DCAF6: variants seen among roughly 807,000 people sequenced by gnomAD.
The protein encoded by DCAF6 is DDB1 and CUL4 associated factor 6, also known as DDB1- and CUL4-associated factor 6.
Under a neutral mutation model 125.1 loss-of-function variants are expected in DCAF6, and 54 were observed. The ratio of observed to expected loss-of-function variants is 0.43; its 90% CI spans 0.35 to 0.54. The LOEUF (loss-of-function observed/expected upper bound fraction) is 0.54, where lower values mean the gene tolerates loss of function less well. Ranked by LOEUF, DCAF6 falls within the 20% of genes least tolerant of loss-of-function variation. The probability of loss-of-function intolerance (pLI) is 0.01; values close to 1 mark genes in which losing one functional copy is unlikely to be tolerated. For synonymous variants in DCAF6, 371 were observed against 390.4 expected (o/e 0.95, Z 0.58); for missense variants, 934 against 1,161.7 (o/e 0.80, Z 2.85).
chr1:167,890,835 C>A, the DCAF6 span, among the ~76,000 whole-genome samples: 20 of 152,160 alleles, frequency 1.3e-4, no homozygotes, highest in Non-Finnish European at 2.5e-4. Context: ...GTATTATTAT[C>A]CCCATTTTAC....
intron 21 of DCAF6, among the ~76,000 whole-genome samples, chr1:168,068,680 C>T (rs958165484): frequency 1.3e-5 from 2 of 151,972 alleles, no homozygotes; most frequent in Non-Finnish European, 2.9e-5. Context: ...ATGAAAAGAC[C>T]AGAGTCACGT....
chr1:168,059,896 T>C lies in DCAF6; in HGVS notation c.2301-3725T>C, dbSNP rs1438169326. Among the ~76,000 whole-genome samples the C allele has an allele frequency of 3.9e-5, 6 of 152,214 alleles. No individual in the cohort carries two copies. The South Asian group carries it at 1.2e-3, about 32-fold the overall frequency. On this transcript the variant is annotated intron_variant, in intron 17 of 21. Coordinates refer to ENST00000367840, the MANE Select transcript of DCAF6 (RefSeq NM_001198956.2). ...CTCCTGAGCTCAAGGGATCCTCCTG[T>C]CTTAGCCTCCCAAACTGCTGGGATT...
chr1:168,067,006 G>A (rs953833670), intron 20 of DCAF6, among the ~76,000 whole-genome samples: 3 of 151,972 alleles, frequency 2.0e-5, no homozygotes, highest in Admixed American at 6.6e-5. Flanking sequence ...GAGTTCTTTG[G>A]AGCTCTGGAT....
chr1:167,885,498 G>C, the DCAF6 span, among the ~76,000 whole-genome samples: 1 of 152,198 alleles, frequency 6.6e-6, no homozygotes, highest in Non-Finnish European at 1.5e-5. Flanking sequence ...GGGGTAAGAT[G>C]ATAATCTTAT....
the DCAF6 span, among the ~76,000 whole-genome samples, chr1:167,875,907 C>T: frequency 1.3e-5 from 2 of 151,628 alleles, no homozygotes; most frequent in South Asian, 2.1e-4. Flanking sequence ...GAGCCGAGAT[C>T]GCACCACTGC....
At chr1:167,996,310 A>G (rs1318014418) in intron 7 of DCAF6, among the ~76,000 whole-genome samples, 1 of 150,924 alleles carries the variant, frequency 6.6e-6, no homozygotes, top group Non-Finnish European at 1.5e-5. Flanking sequence ...ACAGTTTACC[A>G]CCTGCCCTAC....
intron 10 of DCAF6, among the ~76,000 whole-genome samples, chr1:168,006,292 T>C (rs1019721568): frequency 1.3e-5 from 2 of 152,142 alleles, no homozygotes; most frequent in Non-Finnish European, 2.9e-5. Flanking sequence ...AGAAAAAATA[T>C]CTTTGGTGGT....
upstream of DCAF6, among the ~76,000 whole-genome samples, chr1:167,934,222 A>G (rs1670993389): frequency 6.6e-6 from 1 of 152,236 alleles, no homozygotes; most frequent in African/African-American, 2.4e-5. Flanking sequence ...AGGCTTGGAA[A>G]GGATCAAGGT....
chr1:168,075,408 A>G lies in DCAF6; in HGVS notation c.2829A>G (p.Gln943=). The part of the protein sequence containing the change: ...LEGDRSEGSG[Q]ENENEDEE ...GTGACAGATCAGAAGGCTCTGGTCA[A>G]GAGAATGAAAATGAGGATGAGGAAT... Residue 943 remains glutamine, a synonymous_variant, in exon 22 of 22, where the codon CAA becomes CAG. Transcript: ENST00000367840. 1 of 1,602,844 alleles carries G rather than the reference A, an allele frequency of 6.2e-7. No individual in the cohort carries two copies. The highest frequency in any genetic ancestry group is 8.5e-7 in the Non-Finnish European group (1 of 1,177,320).
chr1:167,962,400 G>A (rs1004855365), intron 2 of DCAF6, among the ~76,000 whole-genome samples: 1 of 151,680 alleles, frequency 6.6e-6, no homozygotes, highest in Non-Finnish European at 1.5e-5. Context: ...TTAGGGATTG[G>A]GAAACTATGT....
At chr1:168,041,894 G>GCACACACACACA (rs869267755) in intron 13 of DCAF6, among the ~76,000 whole-genome samples, 38 of 54,450 alleles carry the variant, frequency 7.0e-4, no homozygotes, top group African/African-American at 2.1e-3. Flanking sequence ...TGTTTGTCGC[G>GCACACACACACA]CACACACACA....
chr1:168,030,143 A>T (rs1686878604), intron 12 of DCAF6, among the ~76,000 whole-genome samples: 1 of 152,134 alleles, frequency 6.6e-6, no homozygotes, highest in Admixed American at 6.5e-5. Flanking sequence ...ATCAAGTGTG[A>T]TGAGTGTTAT....
rs1041949244 is a variant in DCAF6, at chr1:167,938,664, A to C, written c.97+1656A>C. ...AACTTAATTTTAGCTTAATAAAACA[A>C]ACGTTAACATTGTTTTGCATGGATA... is the stretch of plus-strand genomic sequence containing the variant. On this transcript the variant is annotated intron_variant, in intron 1 of 21. Coordinates refer to ENST00000367840, the MANE Select transcript of DCAF6 (RefSeq NM_001198956.2). Among the ~76,000 whole-genome samples the C allele has an allele frequency of 1.3e-5, 2 of 152,242 alleles. 1 individual carries two copies. Among genetic ancestry groups the C allele is most frequent in the Admixed American group, 1.3e-4 (2 of 15,284 alleles).
chr1:168,040,902 AAC>A (rs1211223847), intron 13 of DCAF6, among the ~76,000 whole-genome samples: 1 of 150,520 alleles, frequency 6.6e-6, no homozygotes, highest in African/African-American at 2.5e-5. Context: ...AAAAAAAAAA[AAC>A]CAAACAGGCA....
At chr1:168,008,466 C>G (rs1553232368) in intron 10 of DCAF6, among the ~76,000 whole-genome samples, 1 of 151,986 alleles carries the variant, frequency 6.6e-6, no homozygotes, top group Non-Finnish European at 1.5e-5. Context: ...TAAACTATAA[C>G]CTGGGTCTTT....
intron 16 of DCAF6, 35 bp from the exon 17 acceptor site, chr1:168,050,857 G>C (rs1240507466): frequency 8.1e-7 from 1 of 1,229,892 alleles, no homozygotes; most frequent in Admixed American, 3.1e-5. Context: ...TGAAGTCTTT[G>C]TAAGTGATTT....
the DCAF6 span, among the ~76,000 whole-genome samples, chr1:167,900,690 G>A: frequency 4.6e-5 from 7 of 152,174 alleles, no homozygotes; most frequent in Admixed American, 3.3e-4. Flanking sequence ...CCGCCATCAC[G>A]CCTGGCTAAT....
chr1:167,922,560 T>G, the DCAF6 span, among the ~76,000 whole-genome samples: 1 of 152,132 alleles, frequency 6.6e-6, no homozygotes, highest in African/African-American at 2.4e-5. Context: ...TCCATTAGTA[T>G]AGGGGGTTTT....
intron 21 of DCAF6, among the ~76,000 whole-genome samples, chr1:168,074,994 A>G (rs774183666): frequency 1.2e-4 from 18 of 152,206 alleles, no homozygotes; most frequent in Non-Finnish European, 1.0e-4. Flanking sequence ...TACAAACAGA[A>G]TTACACAAAT....
Sources: gnomAD v4.1 joint callset for allele counts (sites outside exome capture counted in the v4.1 genomes callset) on GRCh38, gnomAD v4.1.1 for gene constraint, MANE v1.5 for transcripts, NCBI Gene and HGNC (gene_info 2026-07-23, HGNC 2026-07-21) for gene names.